EWSR1: variants seen among roughly 807,000 people sequenced by gnomAD.
The protein encoded by EWSR1 is EWS RNA binding protein 1.
Under a neutral mutation model 92.1 loss-of-function variants are expected in EWSR1, and 14 were observed. The ratio of observed to expected loss-of-function variants is 0.15; its 90% CI spans 0.10 to 0.24. The LOEUF (loss-of-function observed/expected upper bound fraction) is 0.24, where lower values mean the gene tolerates loss of function less well. Ranked by LOEUF, EWSR1 falls within the 10% of genes least tolerant of loss-of-function variation. The probability of loss-of-function intolerance (pLI) is 1.00; values close to 1 mark genes in which losing one functional copy is unlikely to be tolerated. For synonymous variants in EWSR1, 303 were observed against 292.9 expected (o/e 1.03, Z -0.35); for missense variants, 637 against 870.9 (o/e 0.73, Z 3.38).
chr22:29,271,163 C>T (rs935959055), intron 1 of EWSR1, among the ~76,000 whole-genome samples: 2 of 152,108 alleles, frequency 1.3e-5, no homozygotes, highest in African/African-American at 4.8e-5. Flanking sequence ...AAATAAAGGA[C>T]CCCTTTTTTC....
At chr22:29,299,888 C>T in intron 16 of EWSR1, 37 bp downstream of exon 16, 1 of 1,531,462 alleles carries the variant, frequency 6.5e-7, no homozygotes, top group Non-Finnish European at 8.8e-7. Context: ...GGCCGCCAGG[C>T]ACAGTAAGAG....
intron 5 of EWSR1, 67 bp from the exon 6 acceptor site, chr22:29,282,323 G>A: frequency 7.5e-7 from 1 of 1,325,560 alleles, no homozygotes; most frequent in Non-Finnish European, 1.0e-6. Context: ...TTACCCAGGA[G>A]TTTTGTGGTT....
chr22:29,294,543 T>C (rs1031075094), intron 11 of EWSR1, among the ~76,000 whole-genome samples: 2 of 150,994 alleles, frequency 1.3e-5, no homozygotes, highest in African/African-American at 4.9e-5. Flanking sequence ...AGGCGGAGCT[T>C]GCAGTGAGCT....
intron 5 of EWSR1, among the ~76,000 whole-genome samples, chr22:29,280,843 T>TTGTGTG (rs929216836): frequency 2.1e-5 from 3 of 144,282 alleles, no homozygotes; most frequent in Non-Finnish European, 3.1e-5. Context: ...CCAGCTAATT[T>TTGTGTG]TGTGTGTGTG....
Position 29,292,521 on chromosome 22 carries a change from A to G in EWSR1, c.1079A>G (p.Asn360Ser). Residue 360 changes from asparagine (N) to serine (S), a missense_variant, in exon 11 of 17, where the codon AAC (asparagine) becomes AGC (serine). Transcript: ENST00000397938. ...PPVDPDEDSD[N>S]SAIYVQGLND... is the part of the protein sequence containing the mutation. Reference sequence around the variant, plus strand: ...GTAGATCCAGATGAAGACTCTGACAACAGTGCAATTTATGTACAAGGATTA... The same window carrying G: ...GTAGATCCAGATGAAGACTCTGACAGCAGTGCAATTTATGTACAAGGATTA... 1.2e-6 allele frequency: 2 copies of G among 1,613,852 alleles called. No individual in the cohort carries two copies. Among genetic ancestry groups the G allele is most frequent in the South Asian group, 1.1e-5 (1 of 91,074 alleles).
intron 6 of EWSR1, among the ~76,000 whole-genome samples, chr22:29,283,074 A>G (rs1273935421): frequency 6.6e-6 from 1 of 152,112 alleles, no homozygotes; most frequent in African/African-American, 2.4e-5. Flanking sequence ...GCTAATAACT[A>G]TTCTTTCTAA....
intron 3 of EWSR1, 128 bp downstream of exon 3, chr22:29,272,559 T>C: frequency 1.0e-6 from 1 of 981,622 alleles, no homozygotes; most frequent in African/African-American, 1.6e-5. Flanking sequence ...CCAGGCATTT[T>C]AAACTTTCAC....
In EWSR1 at chr22:29,278,151, T is replaced by A; in HGVS notation, c.348T>A (p.Ser116=). ...TTTQASYAAQ[S]AYGTQPAYPA... ...CCCAGGCCTCCTATGCAGCTCAGTCTGCATATGGCACTCAGCCTGCTTATC... is the reference window on the plus strand; with the variant it reads ...CCCAGGCCTCCTATGCAGCTCAGTCAGCATATGGCACTCAGCCTGCTTATC... Residue 116 remains serine (S), a synonymous_variant, in exon 5 of 17, where the codon TCT becomes TCA. Transcript: ENST00000397938. The A allele has an allele frequency of 6.2e-7, 1 of 1,614,208 alleles. No homozygotes were observed. The highest frequency in any genetic ancestry group is 1.6e-4 in the Middle Eastern group (1 of 6,062).
intron 11 of EWSR1, among the ~76,000 whole-genome samples, chr22:29,294,276 A>G (rs1462251633): frequency 1.3e-5 from 2 of 152,212 alleles, no homozygotes; most frequent in Non-Finnish European, 2.9e-5. Context: ...GGTCTTCGTT[A>G]AATGACACTT....
chr22:29,294,727 A>G (rs2060714728), intron 11 of EWSR1, among the ~76,000 whole-genome samples: 1 of 152,044 alleles, frequency 6.6e-6, no homozygotes. Context: ...CATCCTGGCC[A>G]ACGTGGTGAA....
At chr22:29,276,503 A>G (rs908344536) in intron 4 of EWSR1, 1 of 223,210 alleles carries the variant, frequency 4.5e-6, no homozygotes, top group Non-Finnish European at 9.0e-6. Context: ...ATTGTACAAA[A>G]GGAAGCTGAT....
At chr22:29,280,585 A>G (rs891678690) in intron 5 of EWSR1, among the ~76,000 whole-genome samples, 37 of 151,750 alleles carry the variant, frequency 2.4e-4, no homozygotes, top group Admixed American at 6.6e-4. Context: ...TGGTGTTTCC[A>G]TTACGGAGAC....
At chr22:29,280,571 A>T (rs1484279519) in intron 5 of EWSR1, among the ~76,000 whole-genome samples, 1 of 151,450 alleles carries the variant, frequency 6.6e-6, no homozygotes, top group Non-Finnish European at 1.5e-5. Context: ...TCTTTGCCTT[A>T]CTCTGGTGTT....
At chr22:29,276,807 T>C in intron 4 of EWSR1, 2 of 231,672 alleles carry the variant, frequency 8.6e-6, no homozygotes, top group East Asian at 6.1e-5. Flanking sequence ...CACGCCACCA[T>C]GCCCAGCTAA....
At chr22:29,292,455 A>G (rs767783003) in intron 10 of EWSR1, 33 bp from the exon 11 acceptor site, 3 of 1,413,176 alleles carry the variant, frequency 2.1e-6, no homozygotes, top group Non-Finnish European at 2.0e-6. Context: ...TAGATACATG[A>G]TAATAATTCT....
At position 29,297,650 on chromosome 22, in the gene EWSR1, G is replaced by A. The variant is rs5752900; in HGVS notation, c.1295-177G>A. 0.16 allele frequency among the ~76,000 whole-genome samples: 24,878 copies of A among 152,028 alleles called. 2,109 individuals are homozygous for A. The highest frequency in any genetic ancestry group is 0.29 in the East Asian group (1,490 of 5,172). ...GAGCTGTGCCACTGCACTCCAGCCC[G>A]GGCAACAGAGTGAGACTCCCATCTC... On this transcript the variant is annotated intron_variant, in intron 12 of 16. Coordinates refer to ENST00000397938, the MANE Select transcript of EWSR1 (RefSeq NM_005243.4).
chr22:29,298,695 G>A lies in EWSR1; in HGVS notation c.1418-38G>A, dbSNP rs1297181596. ...TTCCTATAGCAAATTTGGTGCTACA[G>A]AGAAATGATTTGCTGTTTCTTGTTG... is the stretch of plus-strand genomic sequence containing the variant. On this transcript the variant is annotated intron_variant, in intron 13 of 16. Coordinates refer to ENST00000397938, the MANE Select transcript of EWSR1 (RefSeq NM_005243.4). 5 of 1,611,444 alleles carry A rather than the reference G, an allele frequency of 3.1e-6. No homozygotes were observed. The East Asian group carries it at 1.1e-4, about 36-fold the overall frequency.
chr22:29,282,612 G>A (rs2059693824), intron 6 of EWSR1, 55 bp downstream of exon 6: 2 of 1,440,520 alleles, frequency 1.4e-6, no homozygotes, highest in South Asian at 3.1e-5. Flanking sequence ...TTTTTTTCAG[G>A]TTGTTGACCA....
At chr22:29,279,207 T>G (rs1396772923) in intron 5 of EWSR1, among the ~76,000 whole-genome samples, 1 of 152,208 alleles carries the variant, frequency 6.6e-6, no homozygotes, top group African/African-American at 2.4e-5. Context: ...TTTTGATGCT[T>G]TTATCTTTGA....
Sources: gnomAD v4.1 joint callset for allele counts (sites outside exome capture counted in the v4.1 genomes callset) on GRCh38, gnomAD v4.1.1 for gene constraint, MANE v1.5 for transcripts, NCBI Gene and HGNC (gene_info 2026-07-23, HGNC 2026-07-21) for gene names.